ANOS1: variants seen among roughly 807,000 people sequenced by gnomAD.
ANOS1 encodes the protein anosmin 1.
Under a neutral mutation model 59.0 loss-of-function variants are expected in ANOS1, and 6 were observed. The ratio of observed to expected loss-of-function variants is 0.10; its 90% CI spans 0.06 to 0.20. ANOS1 has a LOEUF of 0.20. Ranked by LOEUF, ANOS1 falls within the 10% of genes least tolerant of loss-of-function variation. The pLI, the probability that ANOS1 is intolerant of heterozygous loss-of-function variation, is 1.00. For synonymous variants in ANOS1, 217 were observed against 223.4 expected, an observed-to-expected ratio of 0.97 and a Z score of 0.25; for missense variants, 433 against 542.3, an observed-to-expected ratio of 0.80 and a Z score of 2.00.
At chrX:8,669,365 A>T (rs995916716) in intron 2 of ANOS1, among the ~76,000 whole-genome samples, 2 of 111,576 alleles carry the variant, frequency 1.8e-5, no homozygotes, top group Admixed American at 1.9e-4. Flanking sequence ...GTAAACCCCA[A>T]TGTAAACTAT....
At chrX:8,551,857 C>G (rs1929862346) in intron 9 of ANOS1, among the ~76,000 whole-genome samples, 1 of 112,139 alleles carries the variant, frequency 8.9e-6, no homozygotes, top group Non-Finnish European at 1.9e-5. Flanking sequence ...CCTATAATCC[C>G]AGCTATTCAG....
chrX:8,664,398 T>A (rs960585593), intron 2 of ANOS1, among the ~76,000 whole-genome samples: 3 of 110,496 alleles, frequency 2.7e-5, no homozygotes, highest in African/African-American at 9.9e-5. Context: ...TTTCACCATG[T>A]TAGCCAGGAT....
chrX:8,711,512 A>G (rs1932812191), intron 1 of ANOS1, among the ~76,000 whole-genome samples: 1 of 112,939 alleles, frequency 8.9e-6, no homozygotes, highest in Non-Finnish European at 1.9e-5. Context: ...AAATGAGATG[A>G]ATAATGTCTT....
intron 9 of ANOS1, among the ~76,000 whole-genome samples, chrX:8,547,963 C>G (rs1929796894): frequency 8.9e-6 from 1 of 112,035 alleles, no homozygotes; most frequent in Admixed American, 9.4e-5. Context: ...GATCCGCCCG[C>G]CTTGGCCTCC....
intron 6 of ANOS1, among the ~76,000 whole-genome samples, chrX:8,584,997 ATGTTG>A (rs1930486151): frequency 2.7e-5 from 3 of 111,412 alleles, no homozygotes; most frequent in Admixed American, 9.6e-5. Context: ...AACTCAACAG[ATGTTG>A]ATAATGAAAA....
intron 9 of ANOS1, among the ~76,000 whole-genome samples, chrX:8,541,513 G>C (rs778442070): frequency 9.8e-6 from 1 of 101,659 alleles, no homozygotes; most frequent in East Asian, 3.2e-4. Context: ...TATATAAGGC[G>C]GCTGGCGTGT....
chrX:8,608,423 C>A (rs1256630170), intron 3 of ANOS1, among the ~76,000 whole-genome samples: 1 of 111,496 alleles, frequency 9.0e-6, no homozygotes, highest in Non-Finnish European at 1.9e-5. Context: ...TTATATTGTT[C>A]AGTTTCTTTG....
chrX:8,644,353 G>A (rs141663208), intron 2 of ANOS1, among the ~76,000 whole-genome samples: 1,511 of 110,414 alleles, frequency 0.014, 21 homozygotes, highest in Non-Finnish European at 0.019. Context: ...TGGAGTTTAG[G>A]CACAACTGAC....
chrX:8,626,397 ATTT>A (rs1188725531), intron 2 of ANOS1, among the ~76,000 whole-genome samples: 2 of 110,967 alleles, frequency 1.8e-5, no homozygotes, highest in East Asian at 5.6e-4. Flanking sequence ...AATTATTTTC[ATTT>A]TTTTAAAAAA....
At chrX:8,623,463 T>A (rs1931332652) in intron 3 of ANOS1, 145 bp downstream of exon 3, 1 of 508,373 alleles carries the variant, frequency 2.0e-6, no homozygotes, top group Admixed American at 3.0e-5. Flanking sequence ...ATTTTTTACA[T>A]GAATTTACGT....
intron 2 of ANOS1, among the ~76,000 whole-genome samples, chrX:8,675,431 C>T (rs1199248956): frequency 9.0e-6 from 1 of 111,329 alleles, no homozygotes. Flanking sequence ...AAATCATTCC[C>T]TCCGTGGCAG....
intron 2 of ANOS1, among the ~76,000 whole-genome samples, chrX:8,673,109 T>C (rs1487902414): frequency 1.8e-5 from 2 of 111,078 alleles, no homozygotes; most frequent in African/African-American, 3.3e-5. Flanking sequence ...TTTTTAAATA[T>C]AAACATATGA....
intron 6 of ANOS1, among the ~76,000 whole-genome samples, chrX:8,577,402 C>T (rs1168795430): frequency 1.8e-5 from 2 of 111,325 alleles, no homozygotes. Flanking sequence ...TTTCCCCCAG[C>T]TCACTTCTCT....
At chrX:8,586,298 C>T (rs73199017) in intron 5 of ANOS1, among the ~76,000 whole-genome samples, 10,086 of 111,672 alleles carry the variant, frequency 0.09, 396 homozygotes, top group Admixed American at 0.14. Context: ...ATGACTGTCA[C>T]GTTTACATCA....
chrX:8,724,261 G>A (rs777154569), intron 1 of ANOS1, among the ~76,000 whole-genome samples: 5 of 112,155 alleles, frequency 4.5e-5, no homozygotes, highest in African/African-American at 6.5e-5. Context: ...ATGGAACCAC[G>A]TGTTTCTGAA....
rs1199749431 is a variant in ANOS1 at position 8,529,328 on chromosome X, A to C, written c.*3667T>G. On this transcript the variant is annotated 3_prime_UTR_variant, in exon 14 of 14. Coordinates refer to ENST00000262648, the MANE Select transcript of ANOS1 (RefSeq NM_000216.4). ...CACAGGTAAGAGTCAACATCTTTAT[A>C]TATCTGTTTATATTTTATAATAAAC... is the stretch of plus-strand genomic sequence containing the variant. The C allele has an allele frequency of 8.9e-6, 1 of 111,926 alleles. No homozygotes were observed. The highest frequency in any genetic ancestry group is 1.9e-5 in the Non-Finnish European group (1 of 53,210). The allele number at this position is 111,926 out of a possible 1,213,427, so 9.2% of individuals were successfully genotyped here. A position where few individuals can be genotyped will look rare whatever the true frequency, so the allele number is the denominator to read the frequency against.
intron 3 of ANOS1, among the ~76,000 whole-genome samples, chrX:8,599,089 G>C (rs1943307259): frequency 9.0e-6 from 1 of 111,718 alleles, no homozygotes; most frequent in South Asian, 3.8e-4. Context: ...GCACCCTGCC[G>C]GGAACAGCTG....
chrX:8,600,047 A>G (rs1034981288), intron 3 of ANOS1, among the ~76,000 whole-genome samples: 2 of 112,251 alleles, frequency 1.8e-5, no homozygotes, highest in African/African-American at 6.5e-5. Flanking sequence ...TAGTAATCCT[A>G]GAATAAACTA....
intron 2 of ANOS1, among the ~76,000 whole-genome samples, chrX:8,690,537 T>C (rs1468381336): frequency 2.7e-5 from 3 of 112,009 alleles, no homozygotes; most frequent in African/African-American, 9.7e-5. Context: ...TGCATTTTCA[T>C]GTATGTCTGA....
Sources: allele counts gnomAD v4.1 joint callset (sites outside exome capture counted in the v4.1 genomes callset), GRCh38; gene constraint gnomAD v4.1.1; transcripts MANE v1.5; gene names NCBI Gene and HGNC (gene_info 2026-07-23, HGNC 2026-07-21).